The following DYRK1A variants were observed in gnomAD, a reference collection of about 807,000 sequenced individuals.
DYRK1A encodes dual specificity tyrosine-phosphorylation-regulated kinase 1A.
DYRK1A carries 9 observed loss-of-function variants against 79.7 expected under a neutral mutation model. The ratio of observed to expected loss-of-function variants is 0.11; its 90% CI spans 0.07 to 0.20. The LOEUF is 0.20. DYRK1A is among the 10% of genes least tolerant of loss of function. The pLI is 1.00. For missense variants in DYRK1A, 622 were observed against 956.0 expected, an observed-to-expected ratio of 0.65 and a Z score of 4.61; for synonymous variants, 349 against 329.7, an observed-to-expected ratio of 1.06 and a Z score of -0.63.
chr21:37,379,234 A>G (rs2049608650), intron 1 of DYRK1A, among the ~76,000 whole-genome samples: 1 of 152,006 alleles, frequency 6.6e-6, no homozygotes, highest in African/African-American at 2.4e-5. Flanking sequence ...TGTAAGAAGG[A>G]GGGTTTGGAA....
chr21:37,445,052 G>A (rs1569327919), intron 2 of DYRK1A, among the ~76,000 whole-genome samples: 1 of 152,210 alleles, frequency 6.6e-6, no homozygotes, highest in African/African-American at 2.4e-5. Context: ...CAGCTAGTAA[G>A]TGGTGGAGCC....
At chr21:37,503,364 C>G (rs1441603425) in intron 9 of DYRK1A, 1 of 152,016 alleles carries the variant, frequency 6.6e-6, no homozygotes, top group Non-Finnish European at 1.5e-5. Context: ...TCACTGATTT[C>G]TTTTTTTTCC....
At chr21:37,380,104 G>T (rs1035100975) in intron 1 of DYRK1A, among the ~76,000 whole-genome samples, 3 of 152,114 alleles carry the variant, frequency 2.0e-5, no homozygotes, top group African/African-American at 7.2e-5. Context: ...AAAAATTTTT[G>T]TTTCATTTTA....
At chr21:37,449,243 T>C (rs2051367558) in intron 2 of DYRK1A, among the ~76,000 whole-genome samples, 1 of 152,228 alleles carries the variant, frequency 6.6e-6, no homozygotes, top group African/African-American at 2.4e-5. Flanking sequence ...TTTCTGTATT[T>C]ACTAAGGTAA....
chr21:37,508,091 A>G (rs1569401016), intron 11 of DYRK1A, among the ~76,000 whole-genome samples: 1 of 152,092 alleles, frequency 6.6e-6, no homozygotes, highest in Non-Finnish European at 1.5e-5. Context: ...CTCTTTCCCC[A>G]CACTGAATCA....
At chr21:37,451,573 G>A (rs2051452524) in intron 2 of DYRK1A, among the ~76,000 whole-genome samples, 2 of 150,024 alleles carry the variant, frequency 1.3e-5, no homozygotes, top group Admixed American at 6.6e-5. Context: ...ACCGTCTAGC[G>A]TGGGCGTGCA....
intron 1 of DYRK1A, among the ~76,000 whole-genome samples, chr21:37,384,732 G>A (rs2049726729): frequency 6.6e-6 from 1 of 152,148 alleles, no homozygotes; most frequent in Admixed American, 6.5e-5. Flanking sequence ...GACAGACAAG[G>A]ATATTAAAAC....
intron 2 of DYRK1A, among the ~76,000 whole-genome samples, chr21:37,425,297 T>A (rs1163046174): frequency 6.6e-6 from 1 of 152,246 alleles, no homozygotes; most frequent in Non-Finnish European, 1.5e-5. Context: ...ATGGCATTTT[T>A]AATGCCTAAA....
In DYRK1A at chr21:37,512,324, T is replaced by TGGA. The variant is rs1163747914; in HGVS notation, c.2060_2062dup (p.Gly687dup). 2 of 1,614,234 alleles carry TGGA rather than the reference T, an allele frequency of 1.2e-6. No homozygotes were observed. Among genetic ancestry groups the TGGA allele is most frequent in the Admixed American group, 3.3e-5 (2 of 60,028 alleles). The stretch of plus-strand genomic sequence containing the variant: ...CTAATACCTTGGACTTTGGACAGAA[T>TGGA]GGAGCTATGGACGTTAATTTGACCG... On this transcript the variant is annotated inframe_insertion, in exon 12 of 12. Coordinates refer to ENST00000647188, the MANE Select transcript of DYRK1A (RefSeq NM_001347721.2).
At position 37,421,766 on chromosome 21, in the gene DYRK1A, T is replaced by G. The variant is rs2050483137; in HGVS notation, c.10+1382T>G. 3 of 152,164 alleles carry G rather than the reference T, an allele frequency of 2.0e-5. No individual in the cohort carries two copies. The South Asian group carries it at 6.2e-4, about 31-fold the overall frequency. 9.4% of individuals were successfully genotyped at this position (152,164 alleles called of 1,614,324 possible). A position where few individuals can be genotyped will look rare whatever the true frequency, so the allele number is the denominator to read the frequency against. On this transcript the variant is annotated intron_variant, in intron 2 of 11. Coordinates refer to ENST00000647188, the MANE Select transcript of DYRK1A (RefSeq NM_001347721.2). Reference sequence around the variant, plus strand: ...GTCAGATTTTATAAGTTTGACCTTTTGGTGCAGGAACTATTTCTCAGCATT... The same window carrying G: ...GTCAGATTTTATAAGTTTGACCTTTGGGTGCAGGAACTATTTCTCAGCATT...
At chr21:37,451,943 AGAAGAGTTGCTGAAGAGAAGAGC>A (rs1410753072) in intron 2 of DYRK1A, among the ~76,000 whole-genome samples, 14 of 152,068 alleles carry the variant, frequency 9.2e-5, no homozygotes, top group African/African-American at 3.4e-4. Flanking sequence ...CTAGTTGGAG[AGAAGAGTTGCTGAAGAGAAGAGC>A]GAAGAGCTGC....
At chr21:37,392,232 T>A (rs546409134) in intron 1 of DYRK1A, among the ~76,000 whole-genome samples, 3 of 152,320 alleles carry the variant, frequency 2.0e-5, no homozygotes, top group East Asian at 3.9e-4. Flanking sequence ...TTGGGGCAAG[T>A]CTTCTGTAAC....
At chr21:37,429,490 A>C (rs2050717079) in intron 2 of DYRK1A, among the ~76,000 whole-genome samples, 1 of 152,216 alleles carries the variant, frequency 6.6e-6, no homozygotes, top group African/African-American at 2.4e-5. Context: ...GGAAGCAGGC[A>C]TGTCTTACAT....
At chr21:37,488,133 T>A (rs896356919) in intron 6 of DYRK1A, 1 of 154,816 alleles carries the variant, frequency 6.5e-6, no homozygotes, top group South Asian at 2.0e-4. Flanking sequence ...TACTCAGTTA[T>A]GTATAATGCT....
At chr21:37,422,481 C>T (rs1015183864) in intron 2 of DYRK1A, among the ~76,000 whole-genome samples, 3 of 152,142 alleles carry the variant, frequency 2.0e-5, no homozygotes, top group Non-Finnish European at 4.4e-5. Context: ...TCTGCTTTCT[C>T]TGGGCCTTGT....
intron 2 of DYRK1A, among the ~76,000 whole-genome samples, chr21:37,439,520 C>T (rs770262449): frequency 2.0e-5 from 3 of 152,158 alleles, no homozygotes; most frequent in Non-Finnish European, 4.4e-5. Context: ...CAGGAGGTGC[C>T]GAGCACTACC....
chr21:37,377,618 A>T (rs1165195513), intron 1 of DYRK1A, among the ~76,000 whole-genome samples: 1 of 151,998 alleles, frequency 6.6e-6, no homozygotes. Context: ...ATAGGTGTAC[A>T]CCACCACACC....
chr21:37,467,106 G>GAAAAAAAAAAAAA (rs5843833), intron 2 of DYRK1A, among the ~76,000 whole-genome samples: 3 of 130,752 alleles, frequency 2.3e-5, no homozygotes, highest in Admixed American at 7.7e-5. Context: ...ATTTACAAAA[G>GAAAAAAAAAAAAA]AAAAAAAAAA....
At chr21:37,494,445 C>T (rs1296956636) in intron 8 of DYRK1A, among the ~76,000 whole-genome samples, 3 of 152,022 alleles carry the variant, frequency 2.0e-5, no homozygotes, top group Non-Finnish European at 1.5e-5. Context: ...CTCTGTGGTC[C>T]CTTGAAAACG....
Sources: gnomAD v4.1 joint callset for allele counts (sites outside exome capture counted in the v4.1 genomes callset) on GRCh38, gnomAD v4.1.1 for gene constraint, MANE v1.5 for transcripts, NCBI Gene and HGNC (gene_info 2026-07-23, HGNC 2026-07-21) for gene names.